The following USP7 variants were observed in gnomAD, a reference collection of about 807,000 sequenced individuals.
The protein encoded by USP7 is ubiquitin specific peptidase 7, also known as ubiquitin C-terminal hydrolase 7.
In USP7, 9 loss-of-function variants were observed where a neutral mutation model predicts 162.9. The observed-to-expected ratio is 0.06, with a 90% CI of 0.03 to 0.10. USP7 has a LOEUF of 0.10. Ranked by LOEUF, USP7 falls within the 10% of genes least tolerant of loss-of-function variation. The pLI is 1.00. For missense variants in USP7, 715 were observed against 1,373.7 expected (o/e 0.52, Z 7.58); for synonymous variants, 562 against 475.9 (o/e 1.18, Z -2.35).
rs1025378719 is a variant in USP7 at position 8,893,765 on chromosome 16, A to G, written c.*233T>C. 2 of 481,994 alleles carry G rather than the reference A, an allele frequency of 4.1e-6. No individual in the cohort carries two copies. Among genetic ancestry groups the G allele is most frequent in the African/African-American group, 3.9e-5 (2 of 51,032 alleles). 29.9% of individuals were successfully genotyped at this position (481,994 alleles called of 1,614,324 possible). On this transcript the variant is annotated 3_prime_UTR_variant, in exon 31 of 31. Transcript: ENST00000344836. ...ACAGTTGCCTTGCACTGTGGTTACCATAAAATAACTCTCATTGGCATCCAA... is the reference window on the plus strand; with the variant it reads ...ACAGTTGCCTTGCACTGTGGTTACCGTAAAATAACTCTCATTGGCATCCAA...
At chr16:8,947,355 C>A (rs965927803) in intron 1 of USP7, among the ~76,000 whole-genome samples, 4 of 150,972 alleles carry the variant, frequency 2.6e-5, no homozygotes, top group Non-Finnish European at 5.9e-5. Context: ...CTCCCCCCCC[C>A]AACACACACA....
Position 8,893,986 on chromosome 16 carries a change from C to T in USP7, c.*12G>A, listed in dbSNP as rs749520277. 20 of 1,613,462 alleles carry T rather than the reference C, an allele frequency of 1.2e-5. No homozygotes were observed. The highest frequency in any genetic ancestry group is 1.7e-5 in the Non-Finnish European group (20 of 1,179,488). ...ACACACCGTCCTCGCCTTGAACACACCAGCTTGGAAATCAGTTATGGATTT... is the reference window on the plus strand; with the variant it reads ...ACACACCGTCCTCGCCTTGAACACATCAGCTTGGAAATCAGTTATGGATTT... On this transcript the variant is annotated 3_prime_UTR_variant, in exon 31 of 31. Coordinates refer to ENST00000344836, the MANE Select transcript of USP7 (RefSeq NM_003470.3).
At chr16:8,938,724 T>C (rs897732830) in intron 1 of USP7, among the ~76,000 whole-genome samples, 4 of 131,140 alleles carry the variant, frequency 3.1e-5, no homozygotes, top group East Asian at 4.1e-4. Flanking sequence ...AAAAAAAAAA[T>C]TGGGGGGACG....
At chr16:8,902,233 G>T in intron 17 of USP7, 46 bp from the exon 18 acceptor site, 1 of 1,599,510 alleles carries the variant, frequency 6.3e-7, no homozygotes, top group Admixed American at 1.7e-5. Context: ...TAATGGCTTA[G>T]GTGACAGAGC....
At chr16:8,933,168 G>C (rs900958144) in intron 1 of USP7, among the ~76,000 whole-genome samples, 1 of 152,092 alleles carries the variant, frequency 6.6e-6, no homozygotes, top group African/African-American at 2.4e-5. Flanking sequence ...TCAAACTCCT[G>C]ACCTCAAGTG....
At chr16:8,948,374 G>C (rs752495266) in intron 1 of USP7, among the ~76,000 whole-genome samples, 2 of 151,998 alleles carry the variant, frequency 1.3e-5, no homozygotes, top group Non-Finnish European at 2.9e-5. Flanking sequence ...TTGTAGAGAC[G>C]AGTTTTCACC....
At chr16:8,907,527 T>C (rs907721460) in intron 12 of USP7, among the ~76,000 whole-genome samples, 6 of 152,192 alleles carry the variant, frequency 3.9e-5, no homozygotes, top group African/African-American at 1.2e-4. Flanking sequence ...GTAGTGCACA[T>C]TGTCACTCCT....
intron 11 of USP7, 67 bp downstream of exon 11, chr16:8,910,678 C>A: frequency 7.1e-7 from 1 of 1,411,392 alleles, no homozygotes; most frequent in South Asian, 1.2e-5. Context: ...TTTTATTTAG[C>A]AATTAAAAGA....
intron 23 of USP7, 25 bp from the exon 24 acceptor site, chr16:8,898,664 T>C: frequency 6.6e-7 from 1 of 1,525,706 alleles, no homozygotes; most frequent in Non-Finnish European, 8.9e-7. Context: ...AGCATATAAA[T>C]AAATGACTTG....
chr16:8,942,340 C>A (rs1174456930), intron 1 of USP7, among the ~76,000 whole-genome samples: 1 of 152,162 alleles, frequency 6.6e-6, no homozygotes, highest in Non-Finnish European at 1.5e-5. Flanking sequence ...GGTACCAGCC[C>A]TTGCCAAATA....
intron 1 of USP7, among the ~76,000 whole-genome samples, chr16:8,941,585 G>A (rs1251218829): frequency 1.3e-5 from 2 of 152,198 alleles, no homozygotes; most frequent in African/African-American, 4.8e-5. Context: ...CAACATCAGA[G>A]TGTAAATAAG....
At chr16:8,940,328 C>T (rs1373367206) in intron 1 of USP7, among the ~76,000 whole-genome samples, 1 of 152,226 alleles carries the variant, frequency 6.6e-6, no homozygotes, top group Non-Finnish European at 1.5e-5. Context: ...TATCCAAGAA[C>T]CAGAACACCG....
intron 1 of USP7, among the ~76,000 whole-genome samples, chr16:8,937,578 T>A (rs1306554369): frequency 6.6e-6 from 1 of 152,008 alleles, no homozygotes; most frequent in Non-Finnish European, 1.5e-5. Context: ...TGCACACCTG[T>A]AATCCCAGCC....
intron 1 of USP7, among the ~76,000 whole-genome samples, chr16:8,957,932 A>G (rs1330295502): frequency 6.6e-6 from 1 of 152,196 alleles, no homozygotes; most frequent in Non-Finnish European, 1.5e-5. Flanking sequence ...CATTAACGTT[A>G]AAAGCAATAA....
chr16:8,904,378 T>C (rs541568624), intron 15 of USP7, 57 bp downstream of exon 15: 80 of 1,598,894 alleles, frequency 5.0e-5, no homozygotes, highest in Middle Eastern at 2.1e-4. Flanking sequence ...CACTTGTGTA[T>C]AGAGATGGGT....
chr16:8,957,546 C>T (rs903005980), intron 1 of USP7, among the ~76,000 whole-genome samples: 4 of 151,532 alleles, frequency 2.6e-5, no homozygotes, highest in African/African-American at 9.7e-5. Context: ...GAATTCCACA[C>T]CAGCCTGAAC....
At position 8,930,381 on chromosome 16, in the gene USP7, G is replaced by A; in HGVS notation, c.96C>T (p.Asp32=). 1.2e-6 allele frequency: 2 copies of A among 1,609,830 alleles called. No individual in the cohort carries two copies. The highest frequency in any genetic ancestry group is 3.4e-5 in the Admixed American group (2 of 59,436). Reference sequence around the variant, plus strand: ...CAGGGTTCTGAGTAATTCTTGGTGGGTCATCTGTATCTCCCGCTTTAAAGA... The same window carrying A: ...CAGGGTTCTGAGTAATTCTTGGTGGATCATCTGTATCTCCCGCTTTAAAGA... ...DMEMEAGDTD[D]PPRITQNPVI... is the part of the protein sequence containing the mutation. Residue 32 remains aspartate (D), a synonymous_variant, in exon 2 of 31, where the codon GAC becomes GAT. Transcript: ENST00000344836.
chr16:8,941,448 G>A (rs4985014), intron 1 of USP7, among the ~76,000 whole-genome samples: 1 of 152,180 alleles, frequency 6.6e-6, no homozygotes, highest in South Asian at 2.1e-4. Flanking sequence ...AAGGACCTGA[G>A]GGGTAAAGGC....
At chr16:8,897,726 A>AAAATATATATAT (rs1555461671) in intron 25 of USP7, among the ~76,000 whole-genome samples, 7 of 7,136 alleles carry the variant, frequency 9.8e-4, no homozygotes, top group Non-Finnish European at 1.6e-3. Context: ...AAAAAAAAAA[A>AAAATATATATAT]ATATATATAT....
Sources: allele counts gnomAD v4.1 joint callset (sites outside exome capture counted in the v4.1 genomes callset), GRCh38; gene constraint gnomAD v4.1.1; transcripts MANE v1.5; gene names NCBI Gene and HGNC (gene_info 2026-07-23, HGNC 2026-07-21).